The following FAT4 variants were observed in gnomAD, a reference collection of about 807,000 sequenced individuals.
FAT4 encodes FAT atypical cadherin 4.
In FAT4, 84 loss-of-function variants were observed where a neutral mutation model predicts 303.9. The ratio of observed to expected loss-of-function variants is 0.28; its 90% CI spans 0.23 to 0.33. FAT4 has a LOEUF of 0.33. FAT4 is among the 10% of genes least tolerant of loss of function. The probability of loss-of-function intolerance (pLI) is 1.00; values close to 1 mark genes in which losing one functional copy is unlikely to be tolerated. For synonymous variants in FAT4, 2,307 were observed against 2,298.8 expected, an observed-to-expected ratio of 1.00 and a Z score of -0.10; for missense variants, 6,005 against 6,146.8, an observed-to-expected ratio of 0.98 and a Z score of 0.77.
chr4:125,424,132 T>G (rs963923447), intron 7 of FAT4, among the ~76,000 whole-genome samples: 1 of 152,116 alleles, frequency 6.6e-6, no homozygotes, highest in Non-Finnish European at 1.5e-5. Context: ...TGTTTTGAAA[T>G]GTGAGGACAT....
At chr4:125,342,690 C>T (rs898431300) in intron 2 of FAT4, among the ~76,000 whole-genome samples, 6 of 151,580 alleles carry the variant, frequency 4.0e-5, no homozygotes, top group African/African-American at 7.2e-5. Flanking sequence ...ATTTTGTAGA[C>T]GTCATCATAT....
chr4:125,413,287 C>T (rs1000589874), intron 5 of FAT4, among the ~76,000 whole-genome samples: 10 of 151,790 alleles, frequency 6.6e-5, no homozygotes, highest in East Asian at 1.9e-4. Context: ...TTCTTTCCTG[C>T]GGGTGAATTG....
At chr4:125,352,989 GC>G (rs1244831048) in intron 2 of FAT4, among the ~76,000 whole-genome samples, 3 of 151,678 alleles carry the variant, frequency 2.0e-5, no homozygotes, top group Non-Finnish European at 3.0e-5. Context: ...TTCCTGGTTA[GC>G]CCTCTTCTGT....
chr4:125,445,111 A>G (rs1725782370), intron 8 of FAT4, among the ~76,000 whole-genome samples: 1 of 152,128 alleles, frequency 6.6e-6, no homozygotes. Context: ...CATATTAAAA[A>G]TCTGAGTGAC....
chr4:125,375,936 G>A (rs907760802), intron 2 of FAT4, among the ~76,000 whole-genome samples: 2 of 152,138 alleles, frequency 1.3e-5, no homozygotes, highest in African/African-American at 2.4e-5. Context: ...TTTTATATAT[G>A]AAGTTGTTGA....
chr4:125,452,522 A>T lies in FAT4; in HGVS notation c.11512A>T (p.Ile3838Phe), dbSNP rs750137906. 3 of 1,614,006 alleles carry T rather than the reference A, an allele frequency of 1.9e-6. No homozygotes were observed. Among genetic ancestry groups the T allele is most frequent in the Non-Finnish European group, 2.5e-6 (3 of 1,180,038 alleles). The stretch of plus-strand genomic sequence containing the variant: ...AAAAAGCCGTGAGAGTCTTCCAGTC[A>T]TCATCGTGGCAAATGAACCTCTGCA... ...VLKSRESLPV[I>F]IVANEPLQPF... is the part of the protein sequence containing the mutation. Residue 3838 changes from isoleucine (I) to phenylalanine (F), a missense_variant, in exon 10 of 18, where the codon ATC (isoleucine) becomes TTC (phenylalanine). By Grantham distance (21) the Ile-to-Phe change is conservative. Coordinates refer to ENST00000394329, the MANE Select transcript of FAT4 (RefSeq NM_001291303.3).
At chr4:125,430,709 G>A (rs906650668) in intron 7 of FAT4, among the ~76,000 whole-genome samples, 2 of 152,100 alleles carry the variant, frequency 1.3e-5, no homozygotes, top group African/African-American at 2.4e-5. Context: ...GTGGGTTGTG[G>A]CTGATAATAA....
At chr4:125,389,049 A>ATATGAGAAG (rs1440397087) in intron 2 of FAT4, among the ~76,000 whole-genome samples, 1 of 152,168 alleles carries the variant, frequency 6.6e-6, no homozygotes, top group Non-Finnish European at 1.5e-5. Flanking sequence ...CATGTAGCTT[A>ATATGAGAAG]TATGAGAAGT....
At chr4:125,347,450 C>T (rs1477554376) in intron 2 of FAT4, among the ~76,000 whole-genome samples, 1 of 151,282 alleles carries the variant, frequency 6.6e-6, no homozygotes, top group East Asian at 1.9e-4. Context: ...CCTTCTTTTT[C>T]CAGTACCTCT....
rs1224674475 is a variant in FAT4, at chr4:125,448,856, A to G, written c.7846A>G (p.Ile2616Val). 6.2e-7 allele frequency: 1 copy of G among 1,608,476 alleles called. No individual in the cohort carries two copies. Among genetic ancestry groups the G allele is most frequent in the African/African-American group, 1.3e-5 (1 of 74,870 alleles). Residue 2616 changes from isoleucine (I) to valine (V), a missense_variant, in exon 10 of 18, where the codon ATT becomes GTT. Coordinates refer to ENST00000394329, the MANE Select transcript of FAT4 (RefSeq NM_001291303.3). ...TGGGAATCTTGGCAATACTTTCCAGATTGATCAGTTAACAGGGCAGGTGTC... is the reference window on the plus strand; with the variant it reads ...TGGGAATCTTGGCAATACTTTCCAGGTTGATCAGTTAACAGGGCAGGTGTC... ...ASGNLGNTFQ[I>V]DQLTGQVSIS...
chr4:125,315,020 T>C lies in FAT4; in HGVS notation c.-970T>C, dbSNP rs1332248955. Among the ~76,000 whole-genome samples, 5 of 152,256 alleles carry C rather than the reference T, an allele frequency of 3.3e-5. No homozygotes were observed. Among genetic ancestry groups the C allele is most frequent in the African/African-American group, 1.2e-4 (5 of 41,560 alleles). On this transcript the variant is annotated 5_prime_UTR_variant, in exon 1 of 18. Transcript: ENST00000394329. ...CTGAGTGCTGCTCCAGCTCGCGGTC[T>C]TCCCTCCCCCTCTGTTTGTGTTTCG... is the stretch of plus-strand genomic sequence containing the variant.
rs571542397 is a variant in FAT4, at chr4:125,416,877, C to T, written c.7018+255C>T. ...AGGAGAATCGCTTGAAACCAGGAGGCGGAGGTTGCAGTGAGCCGAGATCAC... is the reference window on the plus strand; with the variant it reads ...AGGAGAATCGCTTGAAACCAGGAGGTGGAGGTTGCAGTGAGCCGAGATCAC... On this transcript the variant is annotated intron_variant, in intron 7 of 17. Transcript: ENST00000394329. Among the ~76,000 whole-genome samples, 15 of 149,350 alleles carry T rather than the reference C, an allele frequency of 1.0e-4. No individual in the cohort carries two copies. In the East Asian group the frequency reaches 2.8e-3, roughly 28 times the overall value.
At chr4:125,352,193 G>A (rs1407454527) in intron 2 of FAT4, among the ~76,000 whole-genome samples, 2 of 151,442 alleles carry the variant, frequency 1.3e-5, no homozygotes, top group East Asian at 1.9e-4. Flanking sequence ...TGCTTAAATA[G>A]AATATAGCTC....
Position 125,452,081 on chromosome 4 carries a change from G to C in FAT4, c.11071G>C (p.Val3691Leu). Reference sequence around the variant, plus strand: ...TCTGACTGTCCTTAGCAATGATGGAGTTCACAGCACAGTCACGAGCAACAT... The same window carrying C: ...TCTGACTGTCCTTAGCAATGATGGACTTCACAGCACAGTCACGAGCAACAT... ...FDLTVLSNDG[V>L]HSTVTSNIRV... The change falls in exon 10 of 18, where the codon GTT becomes CTT. Residue 3691 changes from valine (V) to leucine (L), a missense_variant. Coordinates refer to ENST00000394329, the MANE Select transcript of FAT4 (RefSeq NM_001291303.3). 6.2e-7 allele frequency: 1 copy of C among 1,614,160 alleles called. No individual in the cohort carries two copies. The highest frequency in any genetic ancestry group is 8.5e-7 in the Non-Finnish European group (1 of 1,180,018).
intron 2 of FAT4, among the ~76,000 whole-genome samples, chr4:125,395,506 T>G (rs1442670908): frequency 1.3e-5 from 2 of 151,994 alleles, no homozygotes; most frequent in Non-Finnish European, 2.9e-5. Context: ...GATGGGGTTT[T>G]GCCATGTTGG....
At chr4:125,325,617 C>T (rs1165027547) in intron 2 of FAT4, among the ~76,000 whole-genome samples, 1 of 152,162 alleles carries the variant, frequency 6.6e-6, no homozygotes, top group African/African-American at 2.4e-5. Context: ...TACCTAGGTA[C>T]AGAGTAATGG....
Position 125,319,564 on chromosome 4 carries a change from A to G in FAT4, c.3153A>G (p.Gln1051=), listed in dbSNP as rs372689449. Residue 1051 remains glutamine (Q), a synonymous_variant, in exon 2 of 18, where the codon CAA becomes CAG. Transcript: ENST00000394329. ...GDAFGIFPDG[Q]LYIKSELDRE... is the part of the protein sequence containing the mutation. ...CTTTTGGCATATTCCCAGATGGTCA[A>G]TTGTATATAAAAAGTGAACTGGACC... The G allele has an allele frequency of 4.8e-5, 77 of 1,614,062 alleles. No homozygotes were observed. Among genetic ancestry groups the G allele is most frequent in the Non-Finnish European group, 6.0e-5 (71 of 1,180,006 alleles).
chr4:125,473,978 T>A (rs1726946122), intron 12 of FAT4, among the ~76,000 whole-genome samples: 1 of 152,078 alleles, frequency 6.6e-6, no homozygotes, highest in Non-Finnish European at 1.5e-5. Context: ...GGTTGGAAAC[T>A]GGCAAAATCA....
At chr4:125,385,210 A>C (rs1256521458) in intron 2 of FAT4, among the ~76,000 whole-genome samples, 1 of 151,364 alleles carries the variant, frequency 6.6e-6, no homozygotes, top group African/African-American at 2.4e-5. Context: ...TTTAGTAGAG[A>C]TGGAGTTTCA....
Sources: gnomAD v4.1 joint callset for allele counts (sites outside exome capture counted in the v4.1 genomes callset) on GRCh38, gnomAD v4.1.1 for gene constraint, MANE v1.5 for transcripts, NCBI Gene and HGNC (gene_info 2026-07-23, HGNC 2026-07-21) for gene names.